Variants in INO80D observed in about 807,000 individuals in gnomAD.
INO80D encodes INO80 complex subunit D.
A neutral mutation model predicts 87.6 loss-of-function variants in INO80D; 21 were observed. The ratio of observed to expected loss-of-function variants is 0.24; its 90% CI spans 0.17 to 0.35. INO80D has a LOEUF of 0.35. Ranked by LOEUF, INO80D falls within the 10% of genes least tolerant of loss-of-function variation. The pLI is 1.00. For missense variants in INO80D, 982 were observed against 1,280.7 expected (o/e 0.77, Z 3.56); for synonymous variants, 440 against 491.0 (o/e 0.90, Z 1.37).
At chr2:206,066,640 AC>A (rs1689822310) in intron 1 of INO80D, among the ~76,000 whole-genome samples, 1 of 151,702 alleles carries the variant, frequency 6.6e-6, no homozygotes, top group Non-Finnish European at 1.5e-5. Flanking sequence ...ACCCTTCTCT[AC>A]AAAAAATACA....
rs1029801409 is a variant in INO80D, at chr2:205,997,519, C to G, written c.*6849G>C. On this transcript the variant is annotated 3_prime_UTR_variant, in exon 11 of 11. Transcript: ENST00000403263. ...AAAGATGATCAACAATATTTTCTTA[C>G]TCGAATATAAAGAAATCTATAATTA... 6.6e-6 allele frequency: 1 copy of G among 152,022 alleles called. No individual in the cohort carries two copies. The highest frequency in any genetic ancestry group is 1.5e-5 in the Non-Finnish European group (1 of 67,942). The allele number at this position is 152,022 out of a possible 1,614,324, so 9.4% of individuals were successfully genotyped here.
chr2:206,027,545 A>T (rs553198332), intron 6 of INO80D, among the ~76,000 whole-genome samples: 80 of 152,122 alleles, frequency 5.3e-4, no homozygotes, highest in East Asian at 4.3e-3. Flanking sequence ...ACAAAAAAAA[A>T]TTTTTTTAAT....
chr2:206,050,200 G>T (rs1689313705), intron 4 of INO80D, among the ~76,000 whole-genome samples: 1 of 149,984 alleles, frequency 6.7e-6, no homozygotes, highest in South Asian at 2.1e-4. Context: ...GTTTAAAAAT[G>T]ATTTAAAAAT....
At chr2:206,021,626 T>A (rs983827253) in intron 6 of INO80D, among the ~76,000 whole-genome samples, 1 of 152,214 alleles carries the variant, frequency 6.6e-6, no homozygotes, top group African/African-American at 2.4e-5. Context: ...TCTCTTTTTT[T>A]ATTTTGAGAC....
chr2:206,061,138 A>G (rs28376891), intron 3 of INO80D, among the ~76,000 whole-genome samples: 44,131 of 151,836 alleles, frequency 0.29, 7,046 homozygotes, highest in Admixed American at 0.36. Flanking sequence ...CTCAGTCCCA[A>G]TTAGCTGGGA....
chr2:206,067,145 G>C (rs993372946), intron 1 of INO80D, among the ~76,000 whole-genome samples: 2 of 151,874 alleles, frequency 1.3e-5, no homozygotes, highest in African/African-American at 4.8e-5. Context: ...TACTTGGGAG[G>C]CTAAGGCAGG....
intron 5 of INO80D, among the ~76,000 whole-genome samples, chr2:206,032,055 G>A (rs1007702007): frequency 4.6e-5 from 7 of 152,188 alleles, no homozygotes; most frequent in Non-Finnish European, 1.5e-5. Flanking sequence ...GGGTCCCCAA[G>A]CAGGTCATTC....
At chr2:206,037,087 T>C (rs907235531) in intron 5 of INO80D, among the ~76,000 whole-genome samples, 2 of 152,196 alleles carry the variant, frequency 1.3e-5, no homozygotes, top group African/African-American at 4.8e-5. Context: ...CATTCTCAGT[T>C]TGTGTTTGTT....
chr2:206,039,036 T>C (rs1261843281), intron 5 of INO80D, among the ~76,000 whole-genome samples: 3 of 152,188 alleles, frequency 2.0e-5, no homozygotes, highest in African/African-American at 7.2e-5. Context: ...CATTAAATGA[T>C]AGACTCATAC....
At position 205,995,010 on chromosome 2, in the gene INO80D, A is replaced by T. The variant is rs982856609; in HGVS notation, c.*9358T>A. The T allele has an allele frequency of 1.3e-5, 2 of 152,142 alleles. No homozygotes were observed. Among genetic ancestry groups the T allele is most frequent in the Non-Finnish European group, 2.9e-5 (2 of 68,022 alleles). The allele number at this position is 152,142 out of a possible 1,614,324, so 9.4% of individuals were successfully genotyped here. ...GAATTTTGAACAAGGCAAAATAACAATTAGGTGATATATTTCCCTGCAGCA... is the reference window on the plus strand; with the variant it reads ...GAATTTTGAACAAGGCAAAATAACATTTAGGTGATATATTTCCCTGCAGCA... On this transcript the variant is annotated 3_prime_UTR_variant, in exon 11 of 11. Transcript: ENST00000403263.
In INO80D at chr2:206,061,365, C is replaced by T. The variant is rs1457893476; in HGVS notation, c.218+1434G>A. On this transcript the variant is annotated intron_variant, in intron 3 of 10. Transcript: ENST00000403263. ...GGCTCAACTGAAAAAAAATCCAACA[C>T]TGACAACTGTAACCATGATAAGCTA... is the stretch of plus-strand genomic sequence containing the variant. Among the ~76,000 whole-genome samples, 5 of 152,258 alleles carry T rather than the reference C, an allele frequency of 3.3e-5. No individual in the cohort carries two copies. The East Asian group carries it at 9.6e-4, about 29-fold the overall frequency.
At chr2:206,051,269 G>T (rs1251581611) in intron 4 of INO80D, among the ~76,000 whole-genome samples, 1 of 149,480 alleles carries the variant, frequency 6.7e-6, no homozygotes, top group Non-Finnish European at 1.5e-5. Context: ...CAGCTCTGTC[G>T]CAGTGGCATG....
At chr2:206,018,135 GTTTT>G (rs1343865988) in intron 7 of INO80D, among the ~76,000 whole-genome samples, 1 of 151,778 alleles carries the variant, frequency 6.6e-6, no homozygotes, top group Non-Finnish European at 1.5e-5. Context: ...TCCACTTCAT[GTTTT>G]TTTTGTTTTG....
intron 4 of INO80D, among the ~76,000 whole-genome samples, chr2:206,047,376 G>A (rs1442514204): frequency 3.3e-5 from 5 of 151,720 alleles, no homozygotes; most frequent in Non-Finnish European, 7.4e-5. Context: ...GCACCACCAC[G>A]CCCAGCTAAT....
At chr2:206,034,433 T>C (rs1254558302) in intron 5 of INO80D, among the ~76,000 whole-genome samples, 2 of 152,132 alleles carry the variant, frequency 1.3e-5, no homozygotes, top group Non-Finnish European at 2.9e-5. Context: ...GCAGAGATGG[T>C]TTAACATAAG....
At chr2:206,010,194 C>A (rs900836487) in intron 8 of INO80D, among the ~76,000 whole-genome samples, 3 of 151,078 alleles carry the variant, frequency 2.0e-5, no homozygotes, top group African/African-American at 2.4e-5. Context: ...TAGAAAGGCA[C>A]AAAGAGCAGC....
Position 206,001,552 on chromosome 2 carries a change from A to G in INO80D, c.*2816T>C, listed in dbSNP as rs949547963. The G allele has an allele frequency of 6.6e-6, 1 of 152,162 alleles. No homozygotes were observed. Among genetic ancestry groups the G allele is most frequent in the Admixed American group, 6.5e-5 (1 of 15,268 alleles). 9.4% of individuals were successfully genotyped at this position (152,162 alleles called of 1,614,324 possible). A position where few individuals can be genotyped will look rare whatever the true frequency, so the allele number is the denominator to read the frequency against. ...TATTTTAAAAGATACTAATTTTCAT[A>G]TTTCTGGAGTAAAAGCCACTTCATT... On this transcript the variant is annotated 3_prime_UTR_variant, in exon 11 of 11. Coordinates refer to ENST00000403263, the MANE Select transcript of INO80D (RefSeq NM_017759.5).
chr2:206,084,454 ACTGTAGAC>A (rs1462031030), intron 1 of INO80D, among the ~76,000 whole-genome samples: 1 of 152,026 alleles, frequency 6.6e-6, no homozygotes, highest in African/African-American at 2.4e-5. Flanking sequence ...TGATCCTTAA[ACTGTAGAC>A]CTTGTTTCGG....
intron 4 of INO80D, among the ~76,000 whole-genome samples, chr2:206,055,291 C>T (rs1689483854): frequency 6.6e-6 from 1 of 152,022 alleles, no homozygotes; most frequent in African/African-American, 2.4e-5. Context: ...TAATAGAAAA[C>T]ATAGAATATC....
Sources: allele counts gnomAD v4.1 joint callset (sites outside exome capture counted in the v4.1 genomes callset), GRCh38; gene constraint gnomAD v4.1.1; transcripts MANE v1.5; gene names NCBI Gene and HGNC (gene_info 2026-07-23, HGNC 2026-07-21).